The following GLIS3 variants were observed in gnomAD, a reference collection of about 807,000 sequenced individuals.
GLIS3 encodes the protein GLIS family zinc finger 3, also known as zinc finger protein GLIS3.
GLIS3 carries 53 observed loss-of-function variants against 78.6 expected under a neutral mutation model. The ratio of observed to expected loss-of-function variants is 0.67; its 90% CI spans 0.54 to 0.85. GLIS3 has a LOEUF of 0.85. Among genes scored for constraint, GLIS3 ranks in the 40% least tolerant of loss-of-function variants. The pLI is 0.00. For missense variants in GLIS3, 1,703 were observed against 1,231.1 expected (o/e 1.38, Z -5.74); for synonymous variants, 684 against 509.9 (o/e 1.34, Z -4.60).
chr9:4,358,396 G>A, the GLIS3 span, among the ~76,000 whole-genome samples: 955 of 152,242 alleles, frequency 6.3e-3, 12 homozygotes, highest in African/African-American at 0.022. Context: ...AATGTCCCAA[G>A]TACCTTCACA....
At chr9:4,262,165 G>C (rs1825592701) in intron 2 of GLIS3, among the ~76,000 whole-genome samples, 2 of 152,124 alleles carry the variant, frequency 1.3e-5, no homozygotes, top group South Asian at 4.1e-4. Context: ...TGCAGTGCAA[G>C]GGGGAGAAAA....
the GLIS3 span, among the ~76,000 whole-genome samples, chr9:4,401,086 T>G: frequency 1.3e-5 from 2 of 152,124 alleles, no homozygotes; most frequent in Non-Finnish European, 1.5e-5. Context: ...TCAGCCACAG[T>G]AGGACGAGCA....
chr9:4,125,705 G>C, intron 3 of GLIS3, 29 bp downstream of exon 3: 1 of 1,553,146 alleles, frequency 6.4e-7, no homozygotes, highest in Non-Finnish European at 8.9e-7. Flanking sequence ...ATACCATAAA[G>C]AAAGGGGAAA....
chr9:4,469,738 G>C, the GLIS3 span, among the ~76,000 whole-genome samples: 1 of 152,104 alleles, frequency 6.6e-6, no homozygotes. Flanking sequence ...AGAGAGGCAA[G>C]ACCAAACACA....
chr9:3,927,270 C>A (rs969346761), intron 6 of GLIS3, among the ~76,000 whole-genome samples: 1 of 152,172 alleles, frequency 6.6e-6, no homozygotes, highest in South Asian at 2.1e-4. Context: ...ACTTTGCAAA[C>A]AATGTAGTAG....
chr9:4,085,194 C>T (rs1449370597), intron 4 of GLIS3, among the ~76,000 whole-genome samples: 1 of 152,102 alleles, frequency 6.6e-6, no homozygotes, highest in East Asian at 1.9e-4. Flanking sequence ...CTCAAACTCC[C>T]ACCACTGTGC....
chr9:3,861,945 C>A (rs79725223), intron 8 of GLIS3, among the ~76,000 whole-genome samples: 5 of 138,738 alleles, frequency 3.6e-5, no homozygotes, highest in Admixed American at 2.9e-4. Context: ...TTAAACTTAA[C>A]TTAAATTAAA....
At chr9:4,457,247 G>C in the GLIS3 span, among the ~76,000 whole-genome samples, 1 of 151,942 alleles carries the variant, frequency 6.6e-6, no homozygotes, top group African/African-American at 2.4e-5. Flanking sequence ...TGTAGTCCCA[G>C]CTACTTAGGA....
intron 4 of GLIS3, among the ~76,000 whole-genome samples, chr9:4,050,789 G>A (rs1034420208): frequency 1.3e-5 from 2 of 151,902 alleles, no homozygotes; most frequent in African/African-American, 4.8e-5. Context: ...AAAGTCACTG[G>A]CATCACTTTT....
chr9:4,094,126 G>A (rs1484797427), intron 4 of GLIS3, among the ~76,000 whole-genome samples: 1 of 152,184 alleles, frequency 6.6e-6, no homozygotes, highest in African/African-American at 2.4e-5. Flanking sequence ...AAAAATACCT[G>A]ATGATAGACA....
chr9:3,980,617 C>A (rs1367715632), intron 4 of GLIS3, among the ~76,000 whole-genome samples: 3 of 152,142 alleles, frequency 2.0e-5, no homozygotes, highest in African/African-American at 7.2e-5. Flanking sequence ...ATTGATTGTG[C>A]CTCTGTATGT....
At chr9:4,157,174 G>A (rs1835102344) in intron 2 of GLIS3, among the ~76,000 whole-genome samples, 1 of 152,204 alleles carries the variant, frequency 6.6e-6, no homozygotes. Context: ...GCTAGGCTCT[G>A]CAGCAATGGG....
intron 2 of GLIS3, among the ~76,000 whole-genome samples, chr9:4,198,130 A>G (rs1185126021): frequency 6.6e-6 from 1 of 152,154 alleles, no homozygotes; most frequent in Non-Finnish European, 1.5e-5. Context: ...GAATAACACT[A>G]ACTCTCCAGC....
intron 6 of GLIS3, among the ~76,000 whole-genome samples, chr9:3,932,102 C>A (rs545510891): frequency 2.0e-5 from 3 of 152,256 alleles, no homozygotes; most frequent in East Asian, 1.9e-4. Flanking sequence ...TCCTATTATA[C>A]AAGCCTTTCC....
At chr9:4,406,874 G>A in the GLIS3 span, among the ~76,000 whole-genome samples, 1 of 152,100 alleles carries the variant, frequency 6.6e-6, no homozygotes, top group Non-Finnish European at 1.5e-5. Flanking sequence ...ACTAGCCAAA[G>A]CAATCTACAG....
the GLIS3 span, among the ~76,000 whole-genome samples, chr9:4,470,847 A>G: frequency 1.4e-4 from 21 of 151,938 alleles, no homozygotes; most frequent in African/African-American, 5.1e-4. Context: ...TTGTATATCT[A>G]GAAAACCCCA....
intron 2 of GLIS3, among the ~76,000 whole-genome samples, chr9:4,275,264 G>T (rs569416577): frequency 6.6e-6 from 1 of 152,106 alleles, no homozygotes; most frequent in South Asian, 2.1e-4. Flanking sequence ...TAAAATTTTC[G>T]AAAAAAGGAG....
rs777175866 is a variant in GLIS3 at position 4,118,453 on chromosome 9, G to C, written c.1025C>G (p.Ser342Cys). Residue 342 changes from serine to cysteine, a missense_variant, in exon 4 of 11, where the codon TCC becomes TGC. Physicochemically the swap from Ser to Cys is moderately radical, Grantham distance 112 (BLOSUM62 -1). Coordinates refer to ENST00000381971, the MANE Select transcript of GLIS3 (RefSeq NM_001042413.2). This position sits in a 1 kb window ranked among gnomAD's most constrained non-coding sequence, Gnocchi z 4.7. ...ATGCCCGTAGACCTCCGGCTGCGGG[G>C]ACAGGTTGGCCGGCGAAGCCCTCGA... is the stretch of plus-strand genomic sequence containing the variant. ...NGSRASPANL[S>C]PQPEVYGHFL... The C allele has an allele frequency of 1.9e-6, 3 of 1,613,422 alleles. No individual in the cohort carries two copies. The highest frequency in any genetic ancestry group is 2.5e-6 in the Non-Finnish European group (3 of 1,180,018).
intron 4 of GLIS3, among the ~76,000 whole-genome samples, chr9:4,014,465 A>T (rs959745637): frequency 1.3e-5 from 2 of 152,174 alleles, no homozygotes; most frequent in Non-Finnish European, 2.9e-5. Flanking sequence ...TGGTGTTTTT[A>T]TAAGAAGAGG....
Sources: allele counts gnomAD v4.1 joint callset (sites outside exome capture counted in the v4.1 genomes callset), GRCh38; gene constraint gnomAD v4.1.1; non-coding constraint Gnocchi (gnomAD v3.1); transcripts MANE v1.5; gene names NCBI Gene and HGNC (gene_info 2026-07-23, HGNC 2026-07-21).